FANCA: variants seen among roughly 807,000 people sequenced by gnomAD.
The protein encoded by FANCA is FA complementation group A, also known as Fanconi anemia group A protein.
FANCA carries 236 observed loss-of-function variants against 194.3 expected under a neutral mutation model. The observed-to-expected ratio is 1.21, with a 90% confidence interval of 1.09 to 1.35. The LOEUF is 1.35. Ranked by LOEUF, FANCA falls within the 40% of genes most tolerant of loss-of-function variation. The pLI, the probability that FANCA is intolerant of heterozygous loss-of-function variation, is 0.00. For synonymous variants in FANCA, 1,014 were observed against 715.8 expected, an observed-to-expected ratio of 1.42 and a Z score of -6.65; for missense variants, 2,628 against 1,813.9, an observed-to-expected ratio of 1.45 and a Z score of -8.15.
intron 22 of FANCA, among the ~76,000 whole-genome samples, chr16:89,772,157 T>C (rs1239330013): frequency 6.6e-6 from 1 of 152,226 alleles, no homozygotes; most frequent in Non-Finnish European, 1.5e-5. Context: ...AGAGGTTCCA[T>C]GTTGGCCCAG....
At position 89,742,828 on chromosome 16, in the gene FANCA, A is replaced by G. The variant is rs1180558428; in HGVS notation, c.3737T>C (p.Leu1246Pro). The change falls in exon 37 of 43, where the codon CTA (leucine) becomes CCA (proline). Residue 1246 changes from leucine (L) to proline (P), a missense_variant. By Grantham distance (98) the Leu-to-Pro change is moderately conservative (BLOSUM62 -3). Coordinates refer to ENST00000389301, the MANE Select transcript of FANCA (RefSeq NM_000135.4). ...QVREENIRKQ[L>P]KKLDCEREEL... ...CTCTCTCTCGCAGTCCAGCTTCTTT[A>G]GCTGCTTCCTGATGTTTTCTTCCCT... The G allele has an allele frequency of 6.2e-7, 1 of 1,614,052 alleles. No individual in the cohort carries two copies. Among genetic ancestry groups the G allele is most frequent in the African/African-American group, 1.3e-5 (1 of 74,916 alleles).
chr16:89,807,106 C>T (rs756190871), intron 6 of FANCA, among the ~76,000 whole-genome samples: 1 of 152,086 alleles, frequency 6.6e-6, no homozygotes, highest in East Asian at 1.9e-4. Flanking sequence ...GTCTACTTCT[C>T]CCTTTAATTC....
intron 26 of FANCA, 60 bp from the exon 27 acceptor site, chr16:89,767,297 A>G: frequency 3.3e-6 from 4 of 1,215,564 alleles, no homozygotes; most frequent in South Asian, 1.2e-5. Context: ...ATGAAGGAAA[A>G]AGTTACTTTG....
At position 89,805,264 on chromosome 16, in the gene FANCA, C is replaced by T; in HGVS notation, c.709+16G>A. 6.2e-7 allele frequency: 1 copy of T among 1,601,460 alleles called. No individual in the cohort carries two copies. Among genetic ancestry groups the T allele is most frequent in the South Asian group, 1.1e-5 (1 of 90,708 alleles). ...ATGAGTTTTACCCAAGAACCCGCAT[C>T]TTGTCATGAACGCACCAGAAAGCAT... On this transcript the variant is annotated intron_variant, in intron 7 of 42. Coordinates refer to ENST00000389301, the MANE Select transcript of FANCA (RefSeq NM_000135.4).
intron 37 of FANCA, among the ~76,000 whole-genome samples, chr16:89,742,165 CAG>C (rs977607255): frequency 5.3e-5 from 8 of 152,112 alleles, no homozygotes; most frequent in African/African-American, 1.4e-4. Context: ...TTAGTAGAGA[CAG>C]GGTTTCACCA....
intron 35 of FANCA, among the ~76,000 whole-genome samples, chr16:89,745,280 G>A (rs1299128792): frequency 6.6e-6 from 1 of 152,256 alleles, no homozygotes; most frequent in African/African-American, 2.4e-5. Context: ...CATGGAAGAC[G>A]TGGAATTTGG....
intron 10 of FANCA, 104 bp downstream of exon 10, chr16:89,799,062 G>C (rs1393748193): frequency 1.2e-6 from 2 of 1,614,104 alleles, no homozygotes; most frequent in Admixed American, 1.7e-5. Context: ...GTGTGCTCAG[G>C]AGCGGGCTGC....
At chr16:89,779,558 G>A (rs1050637299) in intron 18 of FANCA, among the ~76,000 whole-genome samples, 4 of 152,108 alleles carry the variant, frequency 2.6e-5, no homozygotes, top group South Asian at 2.1e-4. Context: ...GGCATCACCT[G>A]CTTTTACAGA....
chr16:89,738,456 A>T lies in FANCA; in HGVS notation c.*145T>A. On this transcript the variant is annotated 3_prime_UTR_variant, in exon 43 of 43. Coordinates refer to ENST00000389301, the MANE Select transcript of FANCA (RefSeq NM_000135.4). ...CAAACGCTGAGTGACTCGGGGCCGG[A>T]CAGTTCATAAATAATTGATTCCTTT... 5 of 1,417,264 alleles carry T rather than the reference A, an allele frequency of 3.5e-6. No homozygotes were observed. The highest frequency in any genetic ancestry group is 4.8e-6 in the Non-Finnish European group (5 of 1,031,858). 87.8% of individuals were successfully genotyped at this position (1,417,264 alleles called of 1,614,324 possible).
chr16:89,752,208 T>A lies in FANCA; in HGVS notation c.2996A>T (p.Asp999Val). ...GACCAAATCAGAATTTTCTGAGTGG[T>A]CATAACTCCTTGAGCTGAAATGAAA... Reference protein sequence around the residue: ...MDFHQSSRSYDHSENSDLVFG... With the variant: ...MDFHQSSRSYVHSENSDLVFG... The change falls in exon 31 of 43, where the codon GAC becomes GTC. Residue 999 changes from aspartate (D) to valine (V), a missense_variant. Coordinates refer to ENST00000389301, the MANE Select transcript of FANCA (RefSeq NM_000135.4). 6.2e-7 allele frequency: 1 copy of A among 1,613,744 alleles called. No individual in the cohort carries two copies. Among genetic ancestry groups the A allele is most frequent in the Non-Finnish European group, 8.5e-7 (1 of 1,179,726 alleles).
chr16:89,798,304 C>G, intron 10 of FANCA: 1 of 1,011,178 alleles, frequency 9.9e-7, no homozygotes, highest in Non-Finnish European at 1.2e-6. Flanking sequence ...ACACCGCAGT[C>G]TCTGGCACTT....
chr16:89,761,236 G>A (rs922189701), intron 29 of FANCA, among the ~76,000 whole-genome samples: 1 of 152,056 alleles, frequency 6.6e-6, no homozygotes, highest in Non-Finnish European at 1.5e-5. Flanking sequence ...TGGTTAACAC[G>A]GTGAAACCCC....
chr16:89,781,363 C>CAAAAACA (rs1567627447), intron 17 of FANCA, among the ~76,000 whole-genome samples: 12 of 60,358 alleles, frequency 2.0e-4, no homozygotes, highest in Non-Finnish European at 2.7e-4. Flanking sequence ...GACTCCATTC[C>CAAAAACA]AAAAAAAAAA....
intron 10 of FANCA, among the ~76,000 whole-genome samples, chr16:89,796,623 A>C (rs1295852436): frequency 6.6e-6 from 1 of 152,216 alleles, no homozygotes; most frequent in Non-Finnish European, 1.5e-5. Context: ...AGCCTGCCAC[A>C]TCCCAGCAGG....
chr16:89,752,898 C>T (rs1000617622), intron 30 of FANCA, among the ~76,000 whole-genome samples: 8 of 152,068 alleles, frequency 5.3e-5, no homozygotes, highest in Middle Eastern at 3.2e-3. Context: ...CCCTTTCCCC[C>T]GGGGAGTTTA....
intron 14 of FANCA, 55 bp from the exon 15 acceptor site, chr16:89,785,019 T>C (rs976248849): frequency 3.2e-6 from 4 of 1,248,634 alleles, no homozygotes; most frequent in Admixed American, 1.7e-5. Context: ...CTGCACCACC[T>C]AGGCAGTGTC....
intron 10 of FANCA, chr16:89,798,714 C>G: frequency 7.6e-7 from 1 of 1,321,726 alleles, no homozygotes; most frequent in African/African-American, 1.5e-5. Flanking sequence ...CAAGCTTTGC[C>G]TACTGGTGAA....
chr16:89,788,362 G>C (rs2039964017), intron 14 of FANCA, among the ~76,000 whole-genome samples: 1 of 152,156 alleles, frequency 6.6e-6, no homozygotes, highest in Non-Finnish European at 1.5e-5. Context: ...TCAGGAGGCT[G>C]AAACAGGAGA....
chr16:89,750,408 G>C (rs1012526281), intron 31 of FANCA, among the ~76,000 whole-genome samples: 1 of 151,958 alleles, frequency 6.6e-6, no homozygotes, highest in African/African-American at 2.4e-5. Context: ...GCGTGAACCC[G>C]GGAGGTGGAG....
Sources: allele counts gnomAD v4.1 joint callset (sites outside exome capture counted in the v4.1 genomes callset), GRCh38; gene constraint gnomAD v4.1.1; transcripts MANE v1.5; gene names NCBI Gene and HGNC (gene_info 2026-07-23, HGNC 2026-07-21).